Variants in CP observed in about 807,000 individuals in gnomAD.
CP encodes the protein caeruloplasmin.
Under a neutral mutation model 122.4 loss-of-function variants are expected in CP, and 64 were observed. The observed-to-expected ratio is 0.52, with a 90% CI of 0.43 to 0.64. The LOEUF (loss-of-function observed/expected upper bound fraction) is 0.64, where lower values mean the gene tolerates loss of function less well. Among genes scored for constraint, CP ranks in the 30% least tolerant of loss-of-function variants. The pLI is 0.00. For missense variants in CP, 1,167 were observed against 1,284.4 expected (o/e 0.91, Z 1.40); for synonymous variants, 440 against 436.4 (o/e 1.01, Z -0.10).
chr3:149,169,038 C>CGT (rs34076994), downstream of CP, among the ~76,000 whole-genome samples: 2,022 of 149,764 alleles, frequency 0.014, 21 homozygotes, highest in Admixed American at 0.015. Flanking sequence ...TGTGTGCATA[C>CGT]GTGTGTGTGT....
intron 7 of CP, among the ~76,000 whole-genome samples, chr3:149,201,782 G>A (rs532731635): frequency 1.8e-4 from 28 of 152,040 alleles, no homozygotes; most frequent in Non-Finnish European, 3.7e-4. Context: ...TTTTAGTAAA[G>A]ATGGGGTTTC....
intron 17 of CP, among the ~76,000 whole-genome samples, chr3:149,177,488 T>A (rs1725493086): frequency 6.6e-6 from 1 of 152,200 alleles, no homozygotes; most frequent in Admixed American, 6.5e-5. Flanking sequence ...AAGTCCCTTA[T>A]ATAAAATGGC....
chr3:149,179,749 C>CACACAG (rs2108220484), intron 14 of CP, 87 bp from the exon 15 acceptor site: 1 of 790,638 alleles, frequency 1.3e-6, no homozygotes, highest in East Asian at 2.7e-5. Context: ...CACACACACA[C>CACACAG]AGCCTTGATA....
Position 149,179,674 on chromosome 3 carries a change from A to G in CP, c.2555-12T>C, listed in dbSNP as rs1336663623. 1.7e-5 allele frequency: 26 copies of G among 1,553,778 alleles called. No individual in the cohort carries two copies. Among genetic ancestry groups the G allele is most frequent in the Non-Finnish European group, 2.3e-5 (26 of 1,129,422 alleles). Reference sequence around the variant, plus strand: ...AGTGAGAGTTTCACCTAAATTCATCAAGTGTTAATGGATCTGGTTGTATTT... The same window carrying G: ...AGTGAGAGTTTCACCTAAATTCATCGAGTGTTAATGGATCTGGTTGTATTT... On this transcript the variant is annotated splice_polypyrimidine_tract_variant and intron_variant, in intron 14 of 18. Coordinates refer to ENST00000264613, the MANE Select transcript of CP (RefSeq NM_000096.4).
downstream of CP, chr3:149,171,975 G>T (rs1725038583): frequency 4.5e-6 from 4 of 887,206 alleles, no homozygotes; most frequent in Non-Finnish European, 7.1e-6. Context: ...AAAGTGCTGG[G>T]ATTACAGGCG....
In CP at chr3:149,202,027, A is replaced by G. The variant is rs142636708; in HGVS notation, c.1348+75T>C. On this transcript the variant is annotated intron_variant, in intron 7 of 18. Coordinates refer to ENST00000264613, the MANE Select transcript of CP (RefSeq NM_000096.4). ...ATAGAAATCATGCAGTAGGTCCTGA[A>G]GTTACTATTCTTTCTGAGGTTGATG... 128 of 1,583,758 alleles carry G rather than the reference A, an allele frequency of 8.1e-5. No homozygotes were observed. The African/African-American group carries it at 1.6e-3, about 19-fold the overall frequency.
chr3:149,179,676 G>A lies in CP; in HGVS notation c.2555-14C>T. On this transcript the variant is annotated splice_polypyrimidine_tract_variant and intron_variant, in intron 14 of 18. Coordinates refer to ENST00000264613, the MANE Select transcript of CP (RefSeq NM_000096.4). ...TGAGAGTTTCACCTAAATTCATCAA[G>A]TGTTAATGGATCTGGTTGTATTTGG... 6.5e-7 allele frequency: 1 copy of A among 1,542,558 alleles called. No homozygotes were observed. Among genetic ancestry groups the A allele is most frequent in the Non-Finnish European group, 8.9e-7 (1 of 1,118,994 alleles).
intron 13 of CP, among the ~76,000 whole-genome samples, chr3:149,182,535 A>G (rs1368496155): frequency 2.0e-5 from 3 of 152,116 alleles, no homozygotes; most frequent in African/African-American, 2.4e-5. Flanking sequence ...AGGATAACCA[A>G]GCCTCAGGGG....
chr3:149,183,324 A>G, intron 13 of CP, 142 bp downstream of exon 13: 2 of 726,456 alleles, frequency 2.8e-6, no homozygotes, highest in Non-Finnish European at 4.6e-6. Flanking sequence ...TTATTTCATT[A>G]GATAACTAAT....
rs61733458 is a variant in CP at position 149,198,428 on chromosome 3, G to A, written c.1652C>T (p.Thr551Ile). The A allele has an allele frequency of 0.031, 50,028 of 1,612,482 alleles. 978 individuals carry two copies. Among genetic ancestry groups the A allele is most frequent in the South Asian group, 0.064 (5,861 of 90,998 alleles). Residue 551 changes from threonine to isoleucine, a missense_variant, in exon 9 of 19, where the codon ACT becomes ATT. This residue lies in a region of CP where 525 missense variants were observed against 657.2 expected (regional missense o/e 0.80). Transcript: ENST00000264613. ...SAVEPTKDIFTGLIGPMKICK... is the reference protein window; with the variant it reads ...SAVEPTKDIFIGLIGPMKICK... ...TATTTTCATTGGCCCAATAAGCCCA[G>A]TGAATATATCTTTAGTGGGTTCCAC...
At chr3:149,187,290 G>A (rs944776123) in intron 10 of CP, among the ~76,000 whole-genome samples, 14 of 152,054 alleles carry the variant, frequency 9.2e-5, no homozygotes, top group Non-Finnish European at 2.9e-5. Flanking sequence ...ATTGTGGGTA[G>A]CGTGACTAGT....
chr3:149,211,166 C>T (rs939079222), intron 2 of CP, among the ~76,000 whole-genome samples: 1 of 152,172 alleles, frequency 6.6e-6, no homozygotes, highest in Admixed American at 6.5e-5. Context: ...CATTCACTTT[C>T]TAAACCAATA....
intron 6 of CP, 58 bp downstream of exon 6, chr3:149,206,110 A>T: frequency 6.6e-7 from 1 of 1,517,638 alleles, no homozygotes; most frequent in Non-Finnish European, 9.1e-7. Flanking sequence ...AGCCTTTTGT[A>T]GTTCCTTTGT....
At chr3:149,176,556 AT>A (rs1183050899) in intron 17 of CP, 144 bp from the exon 18 acceptor site, 2 of 671,298 alleles carry the variant, frequency 3.0e-6, no homozygotes, top group African/African-American at 1.8e-5. Flanking sequence ...TTTAATACAA[AT>A]GGTAAAATGT....
downstream of CP, chr3:149,172,301 G>GT (rs1317739591): frequency 1.0e-6 from 1 of 974,550 alleles, no homozygotes. Context: ...AAGTAGAGGA[G>GT]TTTTTTATTT....
chr3:149,174,459 A>G (rs1725280986), intron 18 of CP, among the ~76,000 whole-genome samples: 1 of 152,180 alleles, frequency 6.6e-6, no homozygotes, highest in Non-Finnish European at 1.5e-5. Context: ...GATAGGGAAA[A>G]GAATGAGAAA....
At chr3:149,207,136 G>A (rs551961227) in intron 5 of CP, among the ~76,000 whole-genome samples, 2 of 151,690 alleles carry the variant, frequency 1.3e-5, no homozygotes, top group South Asian at 2.1e-4. Flanking sequence ...ATACTTTCAG[G>A]GCCAGTTGTT....
chr3:149,182,422 T>G (rs34443048), intron 13 of CP, among the ~76,000 whole-genome samples: 2 of 152,016 alleles, frequency 1.3e-5, no homozygotes, highest in African/African-American at 2.4e-5. Flanking sequence ...TATACCCCTC[T>G]CATTTCTACC....
downstream of CP, among the ~76,000 whole-genome samples, chr3:149,171,698 C>CTTTTTT (rs1170000443): frequency 1.5e-3 from 183 of 118,258 alleles, no homozygotes; most frequent in African/African-American, 5.4e-3. Flanking sequence ...GAACTGGCTT[C>CTTTTTT]TTTTTTTTTT....
Sources: gnomAD v4.1 joint callset for allele counts (sites outside exome capture counted in the v4.1 genomes callset) on GRCh38, gnomAD v4.1.1 for gene constraint, gnomAD v4.1.1 regional missense constraint, MANE v1.5 for transcripts, NCBI Gene and HGNC (gene_info 2026-07-23, HGNC 2026-07-21) for gene names.